Variants in PPP4R2 observed in about 807,000 individuals in gnomAD.
PPP4R2 encodes the protein serine/threonine-protein phosphatase 4 regulatory subunit 2.
A neutral mutation model predicts 47.2 loss-of-function variants in PPP4R2; 13 were observed. The observed-to-expected ratio is 0.28, with a 90% CI of 0.18 to 0.44. The LOEUF is 0.44. Ranked by LOEUF, PPP4R2 falls within the 20% of genes least tolerant of loss-of-function variation. The pLI, the probability that PPP4R2 is intolerant of heterozygous loss-of-function variation, is 1.00. For synonymous variants in PPP4R2, 151 were observed against 163.3 expected (o/e 0.92, Z 0.57); for missense variants, 421 against 491.2 (o/e 0.86, Z 1.35).
intron 2 of PPP4R2, among the ~76,000 whole-genome samples, chr3:73,016,339 G>A (rs1452634491): frequency 6.6e-6 from 1 of 151,776 alleles, no homozygotes; most frequent in Non-Finnish European, 1.5e-5. Flanking sequence ...AGATGTTTTT[G>A]GTTGCTACAG....
chr3:73,004,231 G>A (rs996169325), intron 2 of PPP4R2, among the ~76,000 whole-genome samples: 18 of 151,356 alleles, frequency 1.2e-4, no homozygotes, highest in African/African-American at 3.9e-4. Context: ...GTTGAGCATG[G>A]GGTCTCGCTA....
chr3:73,025,056 A>G (rs1190392482), intron 2 of PPP4R2, among the ~76,000 whole-genome samples: 4 of 152,112 alleles, frequency 2.6e-5, no homozygotes, highest in Non-Finnish European at 4.4e-5. Context: ...GAGGAAAATA[A>G]TCTGATTGGC....
chr3:73,037,899 A>G (rs112486439), intron 2 of PPP4R2, among the ~76,000 whole-genome samples: 66 of 152,080 alleles, frequency 4.3e-4, no homozygotes, highest in African/African-American at 1.5e-3. Flanking sequence ...ATTTTGTTTT[A>G]TTGTTTTAAG....
At chr3:73,060,880 T>C (rs1004669542) in intron 4 of PPP4R2, 143 bp from the exon 5 acceptor site, 2 of 523,388 alleles carry the variant, frequency 3.8e-6, no homozygotes, top group Non-Finnish European at 6.6e-6. Context: ...TCACCAGTTT[T>C]CATTTTTAAC....
intron 2 of PPP4R2, among the ~76,000 whole-genome samples, chr3:73,027,248 T>G (rs914660019): frequency 1.8e-4 from 27 of 152,184 alleles, no homozygotes; most frequent in African/African-American, 6.3e-4. Context: ...TGCCTCAGCC[T>G]CCCAAGTAGC....
chr3:73,062,646 C>T lies in PPP4R2; in HGVS notation c.420-1027C>T, dbSNP rs746159994. On this transcript the variant is annotated intron_variant, in intron 5 of 8. Transcript: ENST00000356692. The stretch of plus-strand genomic sequence containing the variant: ...ATCAGTTCTCCGCCACTGCTGTGAC[C>T]TTTTGATAGGCATTGCGGCTGGATC... 1.1e-5 allele frequency: 18 copies of T among 1,613,842 alleles called. No homozygotes were observed. Among genetic ancestry groups the T allele is most frequent in the Non-Finnish European group, 1.3e-5 (15 of 1,179,884 alleles).
At chr3:73,012,441 G>A (rs1220945413) in intron 2 of PPP4R2, among the ~76,000 whole-genome samples, 1 of 151,944 alleles carries the variant, frequency 6.6e-6, no homozygotes, top group Non-Finnish European at 1.5e-5. Flanking sequence ...CTGGGACTAC[G>A]AGCGCCTGCC....
intron 2 of PPP4R2, among the ~76,000 whole-genome samples, chr3:73,012,066 T>C (rs1191876748): frequency 4.6e-5 from 7 of 152,200 alleles, no homozygotes; most frequent in Non-Finnish European, 1.0e-4. Flanking sequence ...TTGTTATATG[T>C]GGGTGATTGG....
At chr3:73,003,004 A>G (rs1368670855) in intron 2 of PPP4R2, among the ~76,000 whole-genome samples, 3 of 152,104 alleles carry the variant, frequency 2.0e-5, no homozygotes, top group Non-Finnish European at 4.4e-5. Context: ...CAGGCAGGGT[A>G]TGATAGAATC....
At chr3:73,064,242 G>T (rs1702936167) in intron 7 of PPP4R2, 96 bp downstream of exon 7, 5 of 1,093,488 alleles carry the variant, frequency 4.6e-6, no homozygotes, top group Non-Finnish European at 6.5e-6. Context: ...AGTTCTGAGG[G>T]ACAGAACAAG....
At chr3:73,058,660 A>G (rs1324582995) in intron 3 of PPP4R2, among the ~76,000 whole-genome samples, 1 of 152,100 alleles carries the variant, frequency 6.6e-6, no homozygotes, top group Non-Finnish European at 1.5e-5. Context: ...GCTTTGTGTT[A>G]CAAACAGTAC....
intron 2 of PPP4R2, among the ~76,000 whole-genome samples, chr3:73,016,817 T>C (rs796092066): frequency 0.013 from 716 of 56,726 alleles, 11 homozygotes; most frequent in African/African-American, 0.052. Flanking sequence ...TTGTTTCTTT[T>C]TTTTTTTTTT....
chr3:73,051,706 A>T (rs1213439741), intron 3 of PPP4R2, among the ~76,000 whole-genome samples: 1 of 151,884 alleles, frequency 6.6e-6, no homozygotes, highest in Non-Finnish European at 1.5e-5. Flanking sequence ...GCTCATTGCA[A>T]CCTCCGCCTC....
chr3:73,013,614 ATT>A (rs777040578), intron 2 of PPP4R2, among the ~76,000 whole-genome samples: 10 of 150,132 alleles, frequency 6.7e-5, no homozygotes, highest in Non-Finnish European at 1.5e-4. Context: ...GCCTTTTGTT[ATT>A]TTCTTTATTT....
rs1001153342 is a variant in PPP4R2, at chr3:73,068,557, T to C, written c.*2835T>C. The stretch of plus-strand genomic sequence containing the variant: ...CTTAGGGTTTATTGTAACTACACCT[T>C]TCAGACGTGTGTTTTGGAGTAGTGG... On this transcript the variant is annotated 3_prime_UTR_variant, in exon 9 of 9. Transcript: ENST00000356692. 16 of 152,252 alleles carry C rather than the reference T, an allele frequency of 1.1e-4. No individual in the cohort carries two copies. The highest frequency in any genetic ancestry group is 3.6e-4 in the African/African-American group (15 of 41,470). The allele number at this position is 152,252 out of a possible 1,614,324, so 9.4% of individuals were successfully genotyped here.
At chr3:73,010,717 A>G (rs58087589) in intron 2 of PPP4R2, among the ~76,000 whole-genome samples, 11,328 of 151,704 alleles carry the variant, frequency 0.075, 616 homozygotes, top group African/African-American at 0.14. Flanking sequence ...CATCACCGCT[A>G]ATTTTTGTAT....
At chr3:73,024,286 C>T (rs1702015934) in intron 2 of PPP4R2, among the ~76,000 whole-genome samples, 1 of 151,960 alleles carries the variant, frequency 6.6e-6, no homozygotes, top group Admixed American at 6.6e-5. Context: ...GAAAATTTAT[C>T]AAACTAAAAT....
Position 73,066,447 on chromosome 3 carries a change from T to C in PPP4R2, c.*725T>C, listed in dbSNP as rs2107353050. The C allele has an allele frequency of 6.6e-6, 1 of 152,036 alleles. No homozygotes were observed. Among genetic ancestry groups the C allele is most frequent in the Non-Finnish European group, 1.5e-5 (1 of 67,894 alleles). 9.4% of individuals were successfully genotyped at this position (152,036 alleles called of 1,614,324 possible). On this transcript the variant is annotated 3_prime_UTR_variant, in exon 9 of 9. Transcript: ENST00000356692. Reference sequence around the variant, plus strand: ...ATCTTAAGTCTGTTGAAATACCAGGTTAAACACATTCCAAGAGATCTGTTC... The same window carrying C: ...ATCTTAAGTCTGTTGAAATACCAGGCTAAACACATTCCAAGAGATCTGTTC...
chr3:73,046,021 T>C (rs1702479172), intron 2 of PPP4R2, among the ~76,000 whole-genome samples: 1 of 152,232 alleles, frequency 6.6e-6, no homozygotes, highest in Admixed American at 6.5e-5. Flanking sequence ...GGTTGGGATT[T>C]AATGAAATTA....
Sources: allele counts gnomAD v4.1 joint callset (sites outside exome capture counted in the v4.1 genomes callset), GRCh38; gene constraint gnomAD v4.1.1; transcripts MANE v1.5; gene names NCBI Gene and HGNC (gene_info 2026-07-23, HGNC 2026-07-21).